The following KANK1 variants were observed in gnomAD, a reference collection of about 807,000 sequenced individuals.
KANK1 encodes the protein KN motif and ankyrin repeat domain-containing protein 1.
Under a neutral mutation model 106.2 loss-of-function variants are expected in KANK1, and 109 were observed. The ratio of observed to expected loss-of-function variants is 1.03; its 90% confidence interval spans 0.88 to 1.20. The LOEUF (loss-of-function observed/expected upper bound fraction) is 1.20. Ranked by LOEUF, KANK1 falls within the 50% of genes most tolerant of loss-of-function variation. The pLI is 0.00. For missense variants in KANK1, 2,399 were observed against 1,710.7 expected (o/e 1.40, Z -7.10); for synonymous variants, 873 against 652.2 (o/e 1.34, Z -5.16).
At chr9:508,459 A>G (rs2058876105) in intron 1 of KANK1, among the ~76,000 whole-genome samples, 1 of 152,220 alleles carries the variant, frequency 6.6e-6, no homozygotes, top group South Asian at 2.1e-4. Context: ...TCTTAAGAGT[A>G]CATCTTCACA....
intron 1 of KANK1, among the ~76,000 whole-genome samples, chr9:589,034 G>A (rs1248624730): frequency 2.1e-5 from 3 of 143,910 alleles, no homozygotes; most frequent in African/African-American, 6.0e-5. Context: ...TGTTAACACT[G>A]TGACCAACCT....
At chr9:610,736 T>C (rs1451781788) in intron 1 of KANK1, among the ~76,000 whole-genome samples, 1 of 152,146 alleles carries the variant, frequency 6.6e-6, no homozygotes, top group East Asian at 1.9e-4. Context: ...CTTGGAAAGC[T>C]CGGAGGGTTA....
chr9:731,367 G>C, intron 5 of KANK1, 101 bp downstream of exon 5: 2 of 636,864 alleles, frequency 3.1e-6, no homozygotes, highest in Non-Finnish European at 5.5e-6. Flanking sequence ...CGGCCACAGC[G>C]CAGTGATGAA....
chr9:548,321 A>G (rs2061057982), intron 1 of KANK1, among the ~76,000 whole-genome samples: 1 of 152,122 alleles, frequency 6.6e-6, no homozygotes, highest in Non-Finnish European at 1.5e-5. Context: ...TCTTGGTGTT[A>G]TTTTAGGTAT....
At chr9:493,239 T>C (rs1402639598) in intron 3 of KANK1, among the ~76,000 whole-genome samples, 2 of 151,552 alleles carry the variant, frequency 1.3e-5, no homozygotes, top group African/African-American at 4.9e-5. Context: ...TCTTTTTGTC[T>C]TTCTCTCCAT....
intron 3 of KANK1, among the ~76,000 whole-genome samples, chr9:496,404 A>G (rs952583148): frequency 1.3e-5 from 2 of 152,060 alleles, no homozygotes; most frequent in African/African-American, 4.8e-5. Flanking sequence ...AAATACAAAA[A>G]TTAGCTGGGC....
chr9:640,020 C>T (rs1838036407), intron 1 of KANK1, among the ~76,000 whole-genome samples: 1 of 152,158 alleles, frequency 6.6e-6, no homozygotes, highest in Non-Finnish European at 1.5e-5. Flanking sequence ...AAATGTAAAT[C>T]TTGGGAGACA....
Position 745,349 on chromosome 9 carries a change from A to G in KANK1, c.*114A>G, listed in dbSNP as rs775842441. On this transcript the variant is annotated 3_prime_UTR_variant, in exon 12 of 12. Coordinates refer to ENST00000382297, the MANE Select transcript of KANK1 (RefSeq NM_015158.5). ...GTGCCTGAGCTCACCAGCAAACAGA[A>G]GCATCAAGCCCAGGGGTAAAGGCTG... 15 of 1,352,042 alleles carry G rather than the reference A, an allele frequency of 1.1e-5. No homozygotes were observed. The highest frequency in any genetic ancestry group is 1.4e-5 in the African/African-American group (1 of 69,748). 83.8% of individuals were successfully genotyped at this position (1,352,042 alleles called of 1,614,324 possible). A position where few individuals can be genotyped will look rare whatever the true frequency, so the allele number is the denominator to read the frequency against.
intron 2 of KANK1, among the ~76,000 whole-genome samples, chr9:706,623 G>A (rs1046234777): frequency 6.7e-6 from 1 of 150,242 alleles, no homozygotes; most frequent in South Asian, 2.1e-4. Flanking sequence ...TCTGGAAAAA[G>A]GTTTGTTTTT....
chr9:673,308 C>T (rs1021409281), intron 1 of KANK1, among the ~76,000 whole-genome samples: 1 of 143,266 alleles, frequency 7.0e-6, no homozygotes, highest in Admixed American at 7.4e-5. Flanking sequence ...CCTCCCTGTT[C>T]AAGTGATTCT....
chr9:524,305 T>G (rs1032972303), intron 1 of KANK1, among the ~76,000 whole-genome samples: 1 of 147,212 alleles, frequency 6.8e-6, no homozygotes, highest in African/African-American at 2.5e-5. Context: ...TTTTTTGTTG[T>G]TTTTTTTTTC....
intron 2 of KANK1, among the ~76,000 whole-genome samples, chr9:682,279 CAAA>C (rs879794761): frequency 9.4e-6 from 1 of 105,850 alleles, no homozygotes. Flanking sequence ...GACTCCGTCT[CAAA>C]AAAAAAAAAA....
chr9:474,239 G>T (rs7850568), intron 3 of KANK1, among the ~76,000 whole-genome samples: 1 of 152,108 alleles, frequency 6.6e-6, no homozygotes, highest in Admixed American at 6.5e-5. Flanking sequence ...AATGCTGTTG[G>T]CCATAAGGAA....
chr9:533,110 T>C (rs1587577834), intron 1 of KANK1, among the ~76,000 whole-genome samples: 1 of 152,198 alleles, frequency 6.6e-6, no homozygotes, highest in African/African-American at 2.4e-5. Context: ...TTGTGACTTA[T>C]TGCCAGTCAG....
intron 1 of KANK1, among the ~76,000 whole-genome samples, chr9:557,566 T>C (rs1410451304): frequency 2.0e-5 from 3 of 152,204 alleles, no homozygotes; most frequent in South Asian, 2.1e-4. Context: ...TAGGGGGCTA[T>C]TGAAAAATAG....
At chr9:679,764 A>G (rs570520265) in intron 2 of KANK1, among the ~76,000 whole-genome samples, 71 of 152,326 alleles carry the variant, frequency 4.7e-4, no homozygotes, top group Middle Eastern at 6.8e-3. Context: ...CAAAAGCAAG[A>G]ATTACTGGTG....
chr9:627,133 C>G (rs540363124), intron 1 of KANK1, among the ~76,000 whole-genome samples: 6 of 152,258 alleles, frequency 3.9e-5, no homozygotes, highest in African/African-American at 1.4e-4. Flanking sequence ...CCTGGGAAAT[C>G]TAGAATCATG....
intron 1 of KANK1, among the ~76,000 whole-genome samples, chr9:562,247 T>A (rs972168602): frequency 5.4e-5 from 8 of 149,528 alleles, no homozygotes; most frequent in Admixed American, 6.7e-5. Context: ...AGAGACGGGG[T>A]TTCACCTTGT....
intron 6 of KANK1, 131 bp from the exon 7 acceptor site, chr9:734,617 G>A: frequency 1.7e-6 from 1 of 602,228 alleles, no homozygotes; most frequent in South Asian, 1.9e-5. Context: ...AGTGAGCCAA[G>A]ATCATGCCAC....
Sources: gnomAD v4.1 joint callset for allele counts (sites outside exome capture counted in the v4.1 genomes callset) on GRCh38, gnomAD v4.1.1 for gene constraint, MANE v1.5 for transcripts, NCBI Gene and HGNC (gene_info 2026-07-23, HGNC 2026-07-21) for gene names.